GALNTL6: variants seen among roughly 807,000 people sequenced by gnomAD.
The protein encoded by GALNTL6 is polypeptide N-acetylgalactosaminyltransferase like 6, also known as polypeptide N-acetylgalactosaminyltransferase-like 6.
GALNTL6 carries 46 observed loss-of-function variants against 73.7 expected under a neutral mutation model. The observed-to-expected ratio is 0.62, with a 90% confidence interval of 0.49 to 0.80. The LOEUF is 0.80. Among genes scored for constraint, GALNTL6 ranks in the 30% least tolerant of loss-of-function variants. The probability of loss-of-function intolerance (pLI) is 0.00; values close to 1 mark genes in which losing one functional copy is unlikely to be tolerated. For synonymous variants in GALNTL6, 259 were observed against 263.7 expected, an observed-to-expected ratio of 0.98 and a Z score of 0.17; for missense variants, 604 against 755.0, an observed-to-expected ratio of 0.80 and a Z score of 2.34.
chr4:171,984,013 C>G (rs1164659263), intron 2 of GALNTL6, among the ~76,000 whole-genome samples: 1 of 152,136 alleles, frequency 6.6e-6, no homozygotes, highest in Non-Finnish European at 1.5e-5. Context: ...CAGGTAGTGC[C>G]CAACCCCAGC....
intron 8 of GALNTL6, among the ~76,000 whole-genome samples, chr4:172,918,867 G>A (rs939134840): frequency 6.6e-6 from 1 of 152,178 alleles, no homozygotes; most frequent in African/African-American, 2.4e-5. Flanking sequence ...GCCACATTGT[G>A]AAAGTGTATC....
At chr4:172,847,492 T>TTA (rs999821354) in intron 7 of GALNTL6, among the ~76,000 whole-genome samples, 11 of 151,952 alleles carry the variant, frequency 7.2e-5, no homozygotes, top group African/African-American at 2.4e-4. Flanking sequence ...GTGTATATGT[T>TTA]TATATATATA....
chr4:172,537,998 A>G (rs1442931674), intron 5 of GALNTL6, among the ~76,000 whole-genome samples: 1 of 152,204 alleles, frequency 6.6e-6, no homozygotes, highest in Non-Finnish European at 1.5e-5. Context: ...TGGGGTTACA[A>G]GACTGTTGCA....
rs544283292 is a variant in GALNTL6 at position 172,515,346 on chromosome 4, G to A, written c.553+166657G>A. Among the ~76,000 whole-genome samples, 5 of 152,336 alleles carry A rather than the reference G, an allele frequency of 3.3e-5. No homozygotes were observed. The South Asian group carries it at 6.2e-4, about 19-fold the overall frequency. ...GACACTGGGTGAAGGATATCTGTTCGCATCCTGTACTTGACCCACCAGCCC... is the reference window on the plus strand; with the variant it reads ...GACACTGGGTGAAGGATATCTGTTCACATCCTGTACTTGACCCACCAGCCC... On this transcript the variant is annotated intron_variant, in intron 5 of 12. Transcript: ENST00000506823.
In GALNTL6 at chr4:173,021,420, C is replaced by T. The variant is rs1561091082; in HGVS notation, c.1489-56C>T. The T allele has an allele frequency of 3.2e-6, 5 of 1,580,842 alleles. No homozygotes were observed. In the South Asian group the frequency reaches 5.7e-5, roughly 18 times the overall value. On this transcript the variant is annotated intron_variant, in intron 11 of 12. Transcript: ENST00000506823. ...AAAGACATACCTTCCCCCGCCCTTG[C>T]ATCTTCTCTCCAAAACAAACTCACT...
intron 2 of GALNTL6, chr4:172,052,386 C>A: frequency 7.7e-7 from 1 of 1,304,590 alleles, no homozygotes; most frequent in Non-Finnish European, 1.1e-6. Context: ...ACCTTCACAT[C>A]CTTCATAGTA....
At chr4:171,845,548 C>T (rs755633056) in intron 2 of GALNTL6, among the ~76,000 whole-genome samples, 2 of 152,246 alleles carry the variant, frequency 1.3e-5, no homozygotes, top group Non-Finnish European at 1.5e-5. Flanking sequence ...CTTGTTCTTA[C>T]TAATGGAACG....
chr4:172,152,995 G>C (rs1251967689), intron 2 of GALNTL6, among the ~76,000 whole-genome samples: 1 of 152,192 alleles, frequency 6.6e-6, no homozygotes, highest in Admixed American at 6.5e-5. Flanking sequence ...ACATTATAAT[G>C]AGTGAAAGGA....
chr4:172,603,310 T>G (rs1738136969), intron 5 of GALNTL6, among the ~76,000 whole-genome samples: 1 of 152,218 alleles, frequency 6.6e-6, no homozygotes, highest in Admixed American at 6.5e-5. Flanking sequence ...AACAAAATTC[T>G]TTAGCTCTTA....
At chr4:172,961,589 T>G (rs1040395772) in intron 10 of GALNTL6, among the ~76,000 whole-genome samples, 1 of 152,164 alleles carries the variant, frequency 6.6e-6, no homozygotes, top group Non-Finnish European at 1.5e-5. Context: ...ACCAGAGTTT[T>G]GGGTTCACGG....
intron 5 of GALNTL6, among the ~76,000 whole-genome samples, chr4:172,699,285 A>G (rs910749747): frequency 1.3e-5 from 2 of 152,190 alleles, no homozygotes; most frequent in African/African-American, 4.8e-5. Flanking sequence ...AGCATTCTGC[A>G]TGGTAATGTT....
intron 2 of GALNTL6, among the ~76,000 whole-genome samples, chr4:171,952,159 A>G (rs961839405): frequency 6.6e-6 from 1 of 152,054 alleles, no homozygotes; most frequent in Non-Finnish European, 1.5e-5. Context: ...ATTAATGGAG[A>G]TAAATATATT....
At chr4:172,196,069 AAG>A (rs531808790) in intron 2 of GALNTL6, among the ~76,000 whole-genome samples, 1 of 151,710 alleles carries the variant, frequency 6.6e-6, no homozygotes, top group Non-Finnish European at 1.5e-5. Flanking sequence ...AGAAAAAAAA[AAG>A]AGAGAATAAC....
rs200618736 is a variant in GALNTL6, at chr4:172,333,383, C to A, written c.387-15140C>A. On this transcript the variant is annotated intron_variant, in intron 4 of 12. Coordinates refer to ENST00000506823, the MANE Select transcript of GALNTL6 (RefSeq NM_001034845.3). ...TCGTGCAATTGCATTCCAGCCTAGG[C>A]GACAAAAGTGAAAGTCCATCTCAAA... 7.1e-4 allele frequency among the ~76,000 whole-genome samples: 108 copies of A among 151,916 alleles called. 2 individuals carry two copies. The South Asian group carries it at 0.014, about 19-fold the overall frequency.
At chr4:172,152,675 G>A (rs1734137522) in intron 2 of GALNTL6, among the ~76,000 whole-genome samples, 2 of 152,140 alleles carry the variant, frequency 1.3e-5, no homozygotes, top group Admixed American at 1.3e-4. Flanking sequence ...GTAGTGAGAT[G>A]TCAGCTCACT....
intron 2 of GALNTL6, among the ~76,000 whole-genome samples, chr4:171,922,093 G>A (rs537769945): frequency 1.3e-5 from 2 of 150,710 alleles, no homozygotes; most frequent in Non-Finnish European, 3.0e-5. Context: ...TGTGTGTGTG[G>A]TGTGTGTGTT....
At chr4:172,234,676 TA>T (rs904668208) in intron 3 of GALNTL6, among the ~76,000 whole-genome samples, 1 of 152,174 alleles carries the variant, frequency 6.6e-6, no homozygotes, top group Non-Finnish European at 1.5e-5. Flanking sequence ...TTCCTTTTTT[TA>T]ATAGCTACAT....
intron 2 of GALNTL6, among the ~76,000 whole-genome samples, chr4:171,983,908 A>G (rs946033020): frequency 1.3e-5 from 2 of 152,164 alleles, no homozygotes; most frequent in Non-Finnish European, 2.9e-5. Context: ...AAGGAAGTAT[A>G]CATATGCATT....
intron 5 of GALNTL6, among the ~76,000 whole-genome samples, chr4:172,597,325 A>G (rs1035483741): frequency 6.6e-6 from 1 of 152,150 alleles, no homozygotes; most frequent in Non-Finnish European, 1.5e-5. Flanking sequence ...TCAAATTACT[A>G]TAGTGGAGCC....
Sources: allele counts gnomAD v4.1 joint callset (sites outside exome capture counted in the v4.1 genomes callset), GRCh38; gene constraint gnomAD v4.1.1; transcripts MANE v1.5; gene names NCBI Gene and HGNC (gene_info 2026-07-23, HGNC 2026-07-21).